PCLO: variants seen among roughly 807,000 people sequenced by gnomAD.
The protein encoded by PCLO is protein piccolo.
Under a neutral mutation model 427.5 loss-of-function variants are expected in PCLO, and 82 were observed. That is an observed-to-expected ratio of 0.19 (90% CI 0.16 to 0.23). The LOEUF (loss-of-function observed/expected upper bound fraction) is 0.23. Among genes scored for constraint, PCLO ranks in the 10% least tolerant of loss-of-function variants. The pLI is 1.00. For synonymous variants in PCLO, 2,357 were observed against 2,155.4 expected (o/e 1.09, Z -2.59); for missense variants, 6,239 against 6,115.9 (o/e 1.02, Z -0.67).
chr7:83,099,347 GAAACAAAT>G (rs1294082775), intron 3 of PCLO, among the ~76,000 whole-genome samples: 1 of 149,122 alleles, frequency 6.7e-6, no homozygotes, highest in Non-Finnish European at 1.5e-5. Flanking sequence ...AAGATTTAAG[GAAACAAAT>G]AAACAAATAT....
chr7:82,797,603 T>C (rs1401718412), intron 22 of PCLO, among the ~76,000 whole-genome samples: 1 of 152,168 alleles, frequency 6.6e-6, no homozygotes, highest in Non-Finnish European at 1.5e-5. Context: ...CACATATACT[T>C]CTAATTTAAT....
intron 3 of PCLO, among the ~76,000 whole-genome samples, chr7:82,992,891 C>G (rs1011102003): frequency 6.6e-6 from 1 of 152,106 alleles, no homozygotes. Context: ...TCTGAAATAG[C>G]ACAAGAATCA....
rs28797007 is a variant in PCLO at position 82,999,825 on chromosome 7, A to G, written c.3301-33338T>C. 1.5e-3 allele frequency among the ~76,000 whole-genome samples: 23 copies of G among 15,812 alleles called. 5 individuals are homozygous for G. The African/African-American group carries it at 0.016, about 11-fold the overall frequency. 10.4% of individuals were successfully genotyped at this position (15,812 alleles called of 152,430 possible). Reference sequence around the variant, plus strand: ...TAATATTATATATAAAATATAATATATAATATTAAATATAAAATATAATAT... The same window carrying G: ...TAATATTATATATAAAATATAATATGTAATATTAAATATAAAATATAATAT... On this transcript the variant is annotated intron_variant, in intron 3 of 24. Coordinates refer to ENST00000333891, the MANE Select transcript of PCLO (RefSeq NM_033026.6).
chr7:82,937,655 T>A (rs1198461927), intron 6 of PCLO, among the ~76,000 whole-genome samples: 2 of 151,662 alleles, frequency 1.3e-5, no homozygotes, highest in South Asian at 4.2e-4. Flanking sequence ...AAATCAATAG[T>A]TTTTTCCCTT....
chr7:83,056,260 G>A, intron 3 of PCLO, among the ~76,000 whole-genome samples: 1 of 152,008 alleles, frequency 6.6e-6, no homozygotes, highest in East Asian at 1.9e-4. Flanking sequence ...TAAAATTGGA[G>A]ATTCACTGAA....
chr7:82,760,700 C>A lies in PCLO; in HGVS notation c.15227G>T (p.Arg5076Leu). 8 of 1,600,642 alleles carry A rather than the reference C, an allele frequency of 5.0e-6. No individual in the cohort carries two copies. The highest frequency in any genetic ancestry group is 6.8e-6 in the Non-Finnish European group (8 of 1,171,018). The change falls in exon 24 of 25, where the codon CGA (arginine) becomes CTA (leucine). Residue 5076 changes from arginine (R) to leucine (L), a missense_variant. By Grantham distance (102) the Arg-to-Leu change is moderately radical. Coordinates refer to ENST00000333891, the MANE Select transcript of PCLO (RefSeq NM_033026.6). ...KKKTRVCRHDREPSFNETFRF... is the reference protein window; with the variant it reads ...KKKTRVCRHDLEPSFNETFRF... Reference sequence around the variant, plus strand: ...AAAAGTTTCATTAAACGAAGGCTCTCGATCATGTCTGCATACTCTTGTTTT... The same window carrying A: ...AAAAGTTTCATTAAACGAAGGCTCTAGATCATGTCTGCATACTCTTGTTTT...
rs142083799 is a variant in PCLO at position 82,912,669 on chromosome 7, CA to C, written c.13300+2016del. The stretch of plus-strand genomic sequence containing the variant: ...CATGGTATCTCATCCTCTATTTTAT[CA>C]AAACAATGTTTTTCACACAGTCTTT... On this transcript the variant is annotated intron_variant, in intron 7 of 24. Coordinates refer to ENST00000333891, the MANE Select transcript of PCLO (RefSeq NM_033026.6). 5.8e-3 allele frequency among the ~76,000 whole-genome samples: 880 copies of C among 152,058 alleles called. 12 individuals are homozygous for C. The highest frequency in any genetic ancestry group is 0.02 in the African/African-American group (832 of 41,512).
chr7:82,948,831 TG>T (rs1795263840), intron 6 of PCLO, among the ~76,000 whole-genome samples: 1 of 152,186 alleles, frequency 6.6e-6, no homozygotes, highest in African/African-American at 2.4e-5. Flanking sequence ...AAGGTTTACC[TG>T]AGTTTAGATT....
At chr7:82,951,755 AG>A in intron 5 of PCLO, 100 bp downstream of exon 5, 1 of 1,462,312 alleles carries the variant, frequency 6.8e-7, no homozygotes, top group South Asian at 1.4e-5. Flanking sequence ...AAAGAGAAAA[AG>A]TAACAAAACT....
chr7:82,806,685 T>C (rs1415987679), intron 20 of PCLO, among the ~76,000 whole-genome samples: 2 of 152,176 alleles, frequency 1.3e-5, no homozygotes, highest in East Asian at 3.9e-4. Context: ...AGTGAACTTT[T>C]CGGTCACACC....
At chr7:82,943,377 T>A (rs140010834) in intron 6 of PCLO, among the ~76,000 whole-genome samples, 1 of 152,346 alleles carries the variant, frequency 6.6e-6, no homozygotes, top group African/African-American at 2.4e-5. Context: ...AACATTTTAA[T>A]TGTAGCTAAT....
intron 3 of PCLO, among the ~76,000 whole-genome samples, chr7:83,057,736 C>T (rs1329555604): frequency 6.6e-6 from 1 of 151,810 alleles, no homozygotes; most frequent in Non-Finnish European, 1.5e-5. Context: ...TTACTTGAAA[C>T]ATAAAATTAG....
intron 3 of PCLO, among the ~76,000 whole-genome samples, chr7:83,100,791 A>G (rs1037296540): frequency 6.6e-6 from 1 of 152,152 alleles, no homozygotes; most frequent in Non-Finnish European, 1.5e-5. Flanking sequence ...CTGTACTTGT[A>G]CTCCTAAACT....
At chr7:82,942,299 C>T (rs1047294683) in intron 6 of PCLO, among the ~76,000 whole-genome samples, 3 of 152,158 alleles carry the variant, frequency 2.0e-5, no homozygotes, top group East Asian at 1.9e-4. Context: ...TTAAGTCAGA[C>T]GTCTCCCATG....
intron 3 of PCLO, among the ~76,000 whole-genome samples, chr7:83,126,299 T>G (rs988999607): frequency 1.3e-4 from 20 of 152,060 alleles, no homozygotes; most frequent in African/African-American, 4.6e-4. Flanking sequence ...TGAATCAGAT[T>G]TAGTATCTGA....
intron 3 of PCLO, among the ~76,000 whole-genome samples, chr7:83,121,573 C>A (rs1342217289): frequency 6.6e-6 from 1 of 151,978 alleles, no homozygotes; most frequent in Non-Finnish European, 1.5e-5. Context: ...CAATCAAAGA[C>A]AGAGTGGCTG....
chr7:83,092,893 G>T (rs149440202), intron 3 of PCLO, among the ~76,000 whole-genome samples: 7,822 of 137,690 alleles, frequency 0.057, 330 homozygotes, highest in African/African-American at 0.11. Flanking sequence ...GTTGCAGTGA[G>T]CCAAGATTGC....
chr7:82,975,680 T>C (rs764040659), intron 3 of PCLO, among the ~76,000 whole-genome samples: 3 of 152,138 alleles, frequency 2.0e-5, no homozygotes, highest in Non-Finnish European at 4.4e-5. Flanking sequence ...GTGTACAGTA[T>C]TGTTTGGCTC....
intron 12 of PCLO, 65 bp from the exon 13 acceptor site, chr7:82,845,550 A>C: frequency 9.2e-7 from 1 of 1,088,218 alleles, no homozygotes; most frequent in South Asian, 1.3e-5. Flanking sequence ...CCATGGAACT[A>C]TGTGAGTTCT....
Sources: allele counts gnomAD v4.1 joint callset (sites outside exome capture counted in the v4.1 genomes callset), GRCh38; gene constraint gnomAD v4.1.1; transcripts MANE v1.5; gene names NCBI Gene and HGNC (gene_info 2026-07-23, HGNC 2026-07-21).